LRFN2: variants seen among roughly 807,000 people sequenced by gnomAD.
LRFN2 encodes leucine rich repeat and fibronectin type III domain containing 2.
A neutral mutation model predicts 37.3 loss-of-function variants in LRFN2; 18 were observed. The observed-to-expected ratio is 0.48, with a 90% confidence interval of 0.33 to 0.72. LRFN2 has a LOEUF of 0.72. Ranked by LOEUF, LRFN2 falls within the 30% of genes least tolerant of loss-of-function variation. LRFN2 has a pLI of 0.02. For synonymous variants in LRFN2, 556 were observed against 466.6 expected (o/e 1.19, Z -2.47); for missense variants, 1,006 against 1,060.7 (o/e 0.95, Z 0.72).
chr6:40,449,675 G>GT (rs1764057257), intron 1 of LRFN2, among the ~76,000 whole-genome samples: 1 of 152,130 alleles, frequency 6.6e-6, no homozygotes, highest in Non-Finnish European at 1.5e-5. Context: ...ACTTCCCACA[G>GT]TTTGTCTCTT....
At chr6:40,575,636 C>G (rs1424592794) in intron 1 of LRFN2, among the ~76,000 whole-genome samples, 1 of 152,158 alleles carries the variant, frequency 6.6e-6, no homozygotes, top group African/African-American at 2.4e-5. Flanking sequence ...GCAGTGAAAA[C>G]ATAAAGAAAC....
chr6:40,422,740 G>A (rs1453295481), intron 2 of LRFN2, among the ~76,000 whole-genome samples: 1 of 152,138 alleles, frequency 6.6e-6, no homozygotes, highest in Non-Finnish European at 1.5e-5. Flanking sequence ...CCCTCTGTAA[G>A]CCCTTTTTGG....
intron 1 of LRFN2, among the ~76,000 whole-genome samples, chr6:40,583,627 G>A (rs1044296582): frequency 2.0e-5 from 3 of 152,202 alleles, no homozygotes; most frequent in African/African-American, 7.2e-5. Flanking sequence ...AGTCACACAT[G>A]CTGCTGTGCC....
chr6:40,560,050 G>A (rs981368701), intron 1 of LRFN2, among the ~76,000 whole-genome samples: 14 of 152,152 alleles, frequency 9.2e-5, no homozygotes, highest in Admixed American at 7.2e-4. Context: ...GCATTGTCTC[G>A]GTTAGCCCTG....
At chr6:40,399,898 A>G (rs995001734) in intron 2 of LRFN2, among the ~76,000 whole-genome samples, 3 of 151,890 alleles carry the variant, frequency 2.0e-5, no homozygotes, top group African/African-American at 7.2e-5. Context: ...CAGCAGCAGC[A>G]CATCTTGGCT....
intron 1 of LRFN2, among the ~76,000 whole-genome samples, chr6:40,514,603 C>G (rs1765806852): frequency 1.3e-5 from 2 of 152,160 alleles, no homozygotes; most frequent in South Asian, 4.1e-4. Flanking sequence ...GTGTGAGCCA[C>G]CACACCCAGC....
chr6:40,508,877 G>T (rs1204355046), intron 1 of LRFN2, among the ~76,000 whole-genome samples: 1 of 152,156 alleles, frequency 6.6e-6, no homozygotes, highest in Non-Finnish European at 1.5e-5. Flanking sequence ...CATGATCTTG[G>T]ATATGCCATG....
chr6:40,455,507 G>C (rs1318149825), intron 1 of LRFN2, among the ~76,000 whole-genome samples: 1 of 152,172 alleles, frequency 6.6e-6, no homozygotes. Flanking sequence ...AACTCCTTAT[G>C]GGGTACTAGC....
intron 2 of LRFN2, among the ~76,000 whole-genome samples, chr6:40,418,499 A>G (rs1030448179): frequency 1.3e-5 from 2 of 152,072 alleles, no homozygotes; most frequent in Non-Finnish European, 2.9e-5. Context: ...TCTTTTCCCA[A>G]TCCTGAGGTC....
At chr6:40,561,732 G>C (rs1002872785) in intron 1 of LRFN2, among the ~76,000 whole-genome samples, 1 of 152,186 alleles carries the variant, frequency 6.6e-6, no homozygotes, top group African/African-American at 2.4e-5. Context: ...AAAAACAGGA[G>C]CCCCGCTTAA....
chr6:40,440,665 T>C (rs1052773353), intron 1 of LRFN2, among the ~76,000 whole-genome samples: 3 of 152,142 alleles, frequency 2.0e-5, no homozygotes, highest in Non-Finnish European at 4.4e-5. Flanking sequence ...CAACCAATGC[T>C]AGTGAGGGAG....
At chr6:40,533,210 C>G (rs1006912235) in intron 1 of LRFN2, among the ~76,000 whole-genome samples, 1 of 152,074 alleles carries the variant, frequency 6.6e-6, no homozygotes, top group African/African-American at 2.4e-5. Context: ...CTCTTTTTCT[C>G]TATCTCTTTA....
chr6:40,489,672 A>G (rs762089056), intron 1 of LRFN2, among the ~76,000 whole-genome samples: 5 of 151,958 alleles, frequency 3.3e-5, no homozygotes, highest in Non-Finnish European at 7.4e-5. Flanking sequence ...ACACAATTAG[A>G]ACTCCAAGGG....
intron 1 of LRFN2, among the ~76,000 whole-genome samples, chr6:40,486,588 G>A (rs577781226): frequency 6.6e-6 from 1 of 152,250 alleles, no homozygotes; most frequent in African/African-American, 2.4e-5. Flanking sequence ...TTCTCTGGGT[G>A]GAGAATGAGC....
intron 1 of LRFN2, among the ~76,000 whole-genome samples, chr6:40,534,270 G>A (rs1439756700): frequency 1.3e-5 from 2 of 152,174 alleles, no homozygotes; most frequent in Admixed American, 6.5e-5. Context: ...TGAACTAGAC[G>A]AGTTGTTCTC....
At chr6:40,575,463 C>T (rs189210920) in intron 1 of LRFN2, among the ~76,000 whole-genome samples, 171 of 152,236 alleles carry the variant, frequency 1.1e-3, no homozygotes, top group African/African-American at 3.6e-3. Flanking sequence ...AGCCAGGGCT[C>T]CCACCAGCCT....
intron 1 of LRFN2, among the ~76,000 whole-genome samples, chr6:40,550,210 C>A (rs376285): frequency 0.13 from 19,169 of 151,910 alleles, 1,444 homozygotes; most frequent in Non-Finnish European, 0.16. Context: ...ATATGGAGGC[C>A]GAAGCTATGA....
In LRFN2 at chr6:40,392,920, G is replaced by A. The variant is rs929586458; in HGVS notation, c.1401-8C>T. On this transcript the variant is annotated splice_polypyrimidine_tract_variant and splice_region_variant and intron_variant, in intron 2 of 2. Coordinates refer to ENST00000338305, the MANE Select transcript of LRFN2 (RefSeq NM_020737.3). The surrounding 1 kb of genome is among the most constrained non-coding windows in gnomAD (Gnocchi z 4.7). ...TTGGAGGCTGGGATCATCCTGGGGAGGGAGGTGGACAGAAATAGTGAGGGG... is the reference window on the plus strand; with the variant it reads ...TTGGAGGCTGGGATCATCCTGGGGAAGGAGGTGGACAGAAATAGTGAGGGG... The A allele has an allele frequency of 1.9e-6, 3 of 1,597,906 alleles. No individual in the cohort carries two copies. The highest frequency in any genetic ancestry group is 2.7e-5 in the African/African-American group (2 of 74,776).
chr6:40,492,548 A>G (rs1765117529), intron 1 of LRFN2, among the ~76,000 whole-genome samples: 1 of 152,236 alleles, frequency 6.6e-6, no homozygotes, highest in Non-Finnish European at 1.5e-5. Context: ...AATGAAAACA[A>G]TTGATTATCT....
Sources: gnomAD v4.1 joint callset for allele counts (sites outside exome capture counted in the v4.1 genomes callset) on GRCh38, gnomAD v4.1.1 for gene constraint, Gnocchi (gnomAD v3.1) non-coding constraint, MANE v1.5 for transcripts, NCBI Gene and HGNC (gene_info 2026-07-23, HGNC 2026-07-21) for gene names.